The following WNT3 variants were observed in gnomAD, a reference collection of about 807,000 sequenced individuals.
WNT3 encodes proto-oncogene Wnt-3.
In WNT3, 7 loss-of-function variants were observed where a neutral mutation model predicts 34.2. The ratio of observed to expected loss-of-function variants is 0.20; its 90% CI spans 0.12 to 0.38. The LOEUF is 0.38. WNT3 is among the 10% of genes least tolerant of loss of function. WNT3 has a pLI of 1.00. For missense variants in WNT3, 267 were observed against 499.8 expected (o/e 0.53, Z 4.44); for synonymous variants, 212 against 211.5 (o/e 1.00, Z -0.02).
In WNT3 at chr17:46,817,633, G is replaced by GC. The variant is rs985375014; in HGVS notation, c.80+884dup. Among the ~76,000 whole-genome samples, 205 of 146,352 alleles carry GC rather than the reference G, an allele frequency of 1.4e-3. 1 individual carries two copies. Among genetic ancestry groups the GC allele is most frequent in the African/African-American group, 4.1e-3 (163 of 39,300 alleles). ...CACCCAGGCCCCCCAGACACGCACA[G>GC]CCCCCCCCAAGCACTGCTCCCGGCT... On this transcript the variant is annotated intron_variant, in intron 1 of 4. Coordinates refer to ENST00000225512, the MANE Select transcript of WNT3 (RefSeq NM_030753.5).
intron 1 of WNT3, among the ~76,000 whole-genome samples, chr17:46,797,229 G>A (rs1217796821): frequency 6.6e-6 from 1 of 152,172 alleles, no homozygotes; most frequent in Non-Finnish European, 1.5e-5. Flanking sequence ...ATTATGTGGG[G>A]CTGATGTTAT....
In WNT3 at chr17:46,769,765, G is replaced by A. The variant is rs201785110; in HGVS notation, c.588+18C>T. 5.1e-5 allele frequency: 82 copies of A among 1,608,154 alleles called. No homozygotes were observed. Among genetic ancestry groups the A allele is most frequent in the Admixed American group, 4.0e-4 (24 of 59,986 alleles). On this transcript the variant is annotated intron_variant, in intron 3 of 4. Coordinates refer to ENST00000225512, the MANE Select transcript of WNT3 (RefSeq NM_030753.5). Reference sequence around the variant, plus strand: ...GGGGCTGCTCCCTGAAGGGTTTGGGGAGGGTAGCCGGGCTCACCGTGCGGC... The same window carrying A: ...GGGGCTGCTCCCTGAAGGGTTTGGGAAGGGTAGCCGGGCTCACCGTGCGGC...
At chr17:46,765,006 T>C (rs1011283067) in intron 4 of WNT3, among the ~76,000 whole-genome samples, 2 of 152,246 alleles carry the variant, frequency 1.3e-5, no homozygotes, top group Non-Finnish European at 2.9e-5. Context: ...GCATGCACTG[T>C]GTTTTTGTAC....
At chr17:46,784,472 G>T (rs2059485623) in intron 1 of WNT3, among the ~76,000 whole-genome samples, 1 of 152,022 alleles carries the variant, frequency 6.6e-6, no homozygotes, top group Non-Finnish European at 1.5e-5. Context: ...ACGGTGGGAG[G>T]ACACTGAGCG....
intron 1 of WNT3, among the ~76,000 whole-genome samples, chr17:46,782,477 C>T (rs56179419): frequency 0.01 from 1,582 of 152,232 alleles, 24 homozygotes; most frequent in African/African-American, 0.036. Flanking sequence ...CAGAAGGGCT[C>T]CACCCTCCAC....
intron 1 of WNT3, among the ~76,000 whole-genome samples, chr17:46,785,726 G>A (rs2059498357): frequency 6.6e-6 from 1 of 152,212 alleles, no homozygotes; most frequent in Non-Finnish European, 1.5e-5. Context: ...AAAGGGTGCG[G>A]GCAGGAGCTC....
intron 1 of WNT3, among the ~76,000 whole-genome samples, chr17:46,800,442 A>C (rs2084109752): frequency 6.6e-6 from 1 of 152,198 alleles, no homozygotes; most frequent in South Asian, 2.1e-4. Flanking sequence ...TGCTCCTGCA[A>C]CACTCAGGAT....
rs138857200 is a variant in WNT3 at position 46,779,550 on chromosome 17, G to T, written c.81-5641C>A. ...ACGGGCAGCCAGGCGGATGGGCTGCGGGTGCCCTGCACAACAGGCTGCTTG... is the reference window on the plus strand; with the variant it reads ...ACGGGCAGCCAGGCGGATGGGCTGCTGGTGCCCTGCACAACAGGCTGCTTG... On this transcript the variant is annotated intron_variant, in intron 1 of 4. Transcript: ENST00000225512. 5.9e-5 allele frequency among the ~76,000 whole-genome samples: 9 copies of T among 152,324 alleles called. No individual in the cohort carries two copies. The East Asian group carries it at 1.7e-3, about 29-fold the overall frequency.
chr17:46,785,500 C>T (rs1466125793), intron 1 of WNT3, among the ~76,000 whole-genome samples: 4 of 152,238 alleles, frequency 2.6e-5, no homozygotes, highest in Admixed American at 2.6e-4. Flanking sequence ...CCCCCGAGGA[C>T]AGGCCCCAGG....
chr17:46,764,999 T>C (rs1400820597), intron 4 of WNT3, among the ~76,000 whole-genome samples: 2 of 152,244 alleles, frequency 1.3e-5, no homozygotes, highest in African/African-American at 2.4e-5. Context: ...ACGCCAGGCA[T>C]GCACTGTGTT....
At chr17:46,789,635 C>T (rs1463864813) in intron 1 of WNT3, among the ~76,000 whole-genome samples, 1 of 152,210 alleles carries the variant, frequency 6.6e-6, no homozygotes, top group Non-Finnish European at 1.5e-5. Context: ...CCAAATGACA[C>T]CATGGGGAAG....
At chr17:46,780,620 C>T (rs2146399820) in intron 1 of WNT3, among the ~76,000 whole-genome samples, 1 of 152,080 alleles carries the variant, frequency 6.6e-6, no homozygotes, top group East Asian at 1.9e-4. Context: ...ACTAAAAATA[C>T]AAAAAATTAG....
intron 1 of WNT3, among the ~76,000 whole-genome samples, chr17:46,788,428 A>G (rs1169247895): frequency 2.6e-5 from 4 of 152,062 alleles, no homozygotes; most frequent in African/African-American, 7.2e-5. Context: ...GGGTCCCCAC[A>G]TTGCTATACC....
rs138182928 is a variant in WNT3, at chr17:46,773,978, G to A, written c.81-69C>T. The A allele has an allele frequency of 1.7e-4, 263 of 1,566,296 alleles. 1 individual carries two copies. In the East Asian group the frequency reaches 5.3e-3, roughly 31 times the overall value. ...AGAGCCCATCCTGGGCACCATGGCC[G>A]CTTTGTGAACCCTCCGGGGTAGGTG... On this transcript the variant is annotated intron_variant, in intron 1 of 4. Coordinates refer to ENST00000225512, the MANE Select transcript of WNT3 (RefSeq NM_030753.5).
In WNT3 at chr17:46,762,587, T is replaced by G. The variant is rs2059279037; in HGVS notation, c.*2043A>C. ...AATATATTTTCTCCAAATATATATA[T>G]ATTTATATAATATATAATCTTAGTT... On this transcript the variant is annotated 3_prime_UTR_variant, in exon 5 of 5. Transcript: ENST00000225512. 6.6e-6 allele frequency: 1 copy of G among 150,790 alleles called. No individual in the cohort carries two copies. The highest frequency in any genetic ancestry group is 6.6e-5 in the Admixed American group (1 of 15,132). 9.3% of individuals were successfully genotyped at this position (150,790 alleles called of 1,614,324 possible).
At chr17:46,792,090 G>A (rs796077217) in intron 1 of WNT3, among the ~76,000 whole-genome samples, 18 of 152,242 alleles carry the variant, frequency 1.2e-4, no homozygotes, top group African/African-American at 2.9e-4. Flanking sequence ...TAGAAATAGC[G>A]AACATTTAAA....
rs140184147 is a variant in WNT3, at chr17:46,786,068, C to A, written c.81-12159G>T. ...TTTCTTTCTTTCTTACCCACCCCCC[C>A]ACCCCTTCATTTCACAGGAAAGTGA... On this transcript the variant is annotated intron_variant, in intron 1 of 4. Coordinates refer to ENST00000225512, the MANE Select transcript of WNT3 (RefSeq NM_030753.5). 1.3e-4 allele frequency among the ~76,000 whole-genome samples: 18 copies of A among 141,090 alleles called. 1 individual carries two copies. The highest frequency in any genetic ancestry group is 2.5e-4 in the East Asian group (1 of 4,022). The allele number at this position is 141,090 out of a possible 152,430, so 92.6% of individuals were successfully genotyped here. A position where few individuals can be genotyped will look rare whatever the true frequency, so the allele number is the denominator to read the frequency against.
chr17:46,801,544 T>C (rs2084125094), intron 1 of WNT3, among the ~76,000 whole-genome samples: 1 of 152,226 alleles, frequency 6.6e-6, no homozygotes, highest in Non-Finnish European at 1.5e-5. Flanking sequence ...AGCTTGAACC[T>C]GGGAGGCGGA....
chr17:46,773,709 A>G lies in WNT3; in HGVS notation c.281T>C (p.Ile94Thr), dbSNP rs1315719628. Residue 94 changes from isoleucine (I) to threonine (T), a missense_variant, in exon 2 of 5, where the codon ATA becomes ACA. Transcript: ENST00000225512. Reference sequence around the variant, plus strand: ...CCCAAAGATGGCCAGGCTGTCATCTATGGTGGTGCAGTTCCAGCGGCGGCC... The same window carrying G: ...CCCAAAGATGGCCAGGCTGTCATCTGTGGTGGTGCAGTTCCAGCGGCGGCC... ...FRGRRWNCTT[I>T]DDSLAIFGPV... is the part of the protein sequence containing the mutation. 2.7e-6 allele frequency: 4 copies of G among 1,471,190 alleles called. No homozygotes were observed. Among genetic ancestry groups the G allele is most frequent in the African/African-American group, 1.5e-5 (1 of 67,258 alleles). The allele number at this position is 1,471,190 out of a possible 1,614,324, so 91.1% of individuals were successfully genotyped here.
Sources: gnomAD v4.1 joint callset for allele counts (sites outside exome capture counted in the v4.1 genomes callset) on GRCh38, gnomAD v4.1.1 for gene constraint, MANE v1.5 for transcripts, NCBI Gene and HGNC (gene_info 2026-07-23, HGNC 2026-07-21) for gene names.